FUT8: variants seen among roughly 807,000 people sequenced by gnomAD.
FUT8 encodes alpha-(1,6)-fucosyltransferase.
Under a neutral mutation model 71.3 loss-of-function variants are expected in FUT8, and 29 were observed. That is an observed-to-expected ratio of 0.41 (90% CI 0.30 to 0.55). The LOEUF is 0.55. Ranked by LOEUF, FUT8 falls within the 20% of genes least tolerant of loss-of-function variation. The probability of loss-of-function intolerance (pLI) is 0.34; values close to 1 mark genes in which losing one functional copy is unlikely to be tolerated. For synonymous variants in FUT8, 254 were observed against 239.3 expected (o/e 1.06, Z -0.57); for missense variants, 544 against 702.1 (o/e 0.77, Z 2.55).
chr14:65,431,458 C>T (rs1459011255), intron 1 of FUT8, among the ~76,000 whole-genome samples: 6 of 151,838 alleles, frequency 4.0e-5, no homozygotes, highest in Non-Finnish European at 1.5e-5. Context: ...TACAGGCATG[C>T]GTCACCATAC....
the FUT8 span, among the ~76,000 whole-genome samples, chr14:65,365,328 CCT>C: frequency 0.017 from 2,314 of 138,668 alleles, 24 homozygotes; most frequent in East Asian, 0.044. Flanking sequence ...ATAAATTCTT[CCT>C]CTCTCTCTCT....
chr14:65,711,196 AAATG>A lies in FUT8; in HGVS notation c.836-10571_836-10568del, dbSNP rs139273888. Among the ~76,000 whole-genome samples, 75 of 149,242 alleles carry A rather than the reference AAATG, an allele frequency of 5.0e-4. No individual in the cohort carries two copies. The East Asian group carries it at 0.012, about 25-fold the overall frequency. On this transcript the variant is annotated intron_variant, in intron 7 of 10. Coordinates refer to ENST00000673929, the MANE Select transcript of FUT8 (RefSeq NM_001371533.1). ...TAAATATTTAAACAAGTGAATGAAT[AAATG>A]AATGAATAAAGAATAAAAAACTGAG...
Position 65,412,854 on chromosome 14 carries a change from C to G in FUT8, c.-686C>G, listed in dbSNP as rs371719798. Among the ~76,000 whole-genome samples, 1,091 of 152,310 alleles carry G rather than the reference C, an allele frequency of 7.2e-3. 12 individuals carry two copies. The highest frequency in any genetic ancestry group is 0.024 in the African/African-American group (989 of 41,578). The stretch of plus-strand genomic sequence containing the variant: ...CAGCCGGTTCCCTCCTCTCCAGGCC[C>G]CCTCCCCATCCCACCCCCGCCGCCT... On this transcript the variant is annotated 5_prime_UTR_variant, in exon 1 of 11. Coordinates refer to ENST00000673929, the MANE Select transcript of FUT8 (RefSeq NM_001371533.1).
rs551841185 is a variant in FUT8 at position 65,653,796 on chromosome 14, C to T, written c.598-15447C>T. On this transcript the variant is annotated intron_variant, in intron 6 of 10. Transcript: ENST00000673929. ...CAAACAATCCTCCTGCCTTGGCCTC[C>T]GAAAGTGCTGGGATTATAGGCTTTG... Among the ~76,000 whole-genome samples the T allele has an allele frequency of 9.9e-5, 15 of 152,202 alleles. No homozygotes were observed. The South Asian group carries it at 1.0e-3, about 11-fold the overall frequency.
chr14:65,542,371 T>C (rs1884725733), intron 2 of FUT8, among the ~76,000 whole-genome samples: 1 of 152,174 alleles, frequency 6.6e-6, no homozygotes, highest in South Asian at 2.1e-4. Context: ...CATTATCAGA[T>C]CCCTCTGTGT....
At chr14:65,544,284 A>G (rs1010791696) in intron 2 of FUT8, among the ~76,000 whole-genome samples, 22 of 152,168 alleles carry the variant, frequency 1.4e-4, no homozygotes, top group Non-Finnish European at 2.8e-4. Context: ...CTGTGTACAA[A>G]TCACTTTTAT....
Position 65,742,213 on chromosome 14 carries a change from T to G in FUT8, c.1531T>G (p.Tyr511Asp), listed in dbSNP as rs1232279703. 1 of 1,613,120 alleles carries G rather than the reference T, an allele frequency of 6.2e-7. No individual in the cohort carries two copies. Among genetic ancestry groups the G allele is most frequent in the Non-Finnish European group, 8.5e-7 (1 of 1,179,456 alleles). Residue 511 changes from tyrosine (Y) to aspartate (D), a missense_variant, in exon 11 of 11, where the codon TAT (tyrosine) becomes GAT (aspartate). Tyr to Asp is a radical substitution (Grantham distance 160, BLOSUM62 -3). Transcript: ENST00000673929. ...GQNAHNQIAI[Y>D]AHQPRTADEI... ...GAATGCCCACAATCAAATTGCCATT[T>G]ATGCTCACCAACCCCGAACTGCAGA...
intron 2 of FUT8, among the ~76,000 whole-genome samples, chr14:65,523,660 C>G (rs1194218948): frequency 1.3e-5 from 2 of 152,210 alleles, no homozygotes; most frequent in Non-Finnish European, 1.5e-5. Flanking sequence ...TGCCTATATC[C>G]TAAATGGTAT....
intron 2 of FUT8, among the ~76,000 whole-genome samples, chr14:65,549,054 T>C (rs1280650521): frequency 6.6e-6 from 1 of 152,172 alleles, no homozygotes; most frequent in African/African-American, 2.4e-5. Flanking sequence ...GCTACCAGAA[T>C]TGCCTTTAAA....
Position 65,742,703 on chromosome 14 carries a change from A to C in FUT8, c.*293A>C, listed in dbSNP as rs973693693. 6.7e-6 allele frequency: 2 copies of C among 297,604 alleles called. No individual in the cohort carries two copies. The highest frequency in any genetic ancestry group is 1.3e-5 in the Non-Finnish European group (2 of 157,748). 18.4% of individuals were successfully genotyped at this position (297,604 alleles called of 1,614,324 possible). A position where few individuals can be genotyped will look rare whatever the true frequency, so the allele number is the denominator to read the frequency against. On this transcript the variant is annotated 3_prime_UTR_variant, in exon 11 of 11. Transcript: ENST00000673929. ...CCCTTTCAGTATGTCCCCATAAGAC[A>C]AACACTGCCATATTGTGTAATTTAA...
At chr14:65,512,404 G>A (rs1411901744) in intron 2 of FUT8, among the ~76,000 whole-genome samples, 1 of 152,128 alleles carries the variant, frequency 6.6e-6, no homozygotes, top group African/African-American at 2.4e-5. Flanking sequence ...AGCCTCAAGA[G>A]ATCCCCTGCC....
chr14:65,498,627 T>C (rs1369067913), intron 2 of FUT8, among the ~76,000 whole-genome samples: 1 of 152,216 alleles, frequency 6.6e-6, no homozygotes, highest in Non-Finnish European at 1.5e-5. Context: ...AGTACAACAA[T>C]GTTATTTATC....
At chr14:65,511,719 T>G (rs1204537094) in intron 2 of FUT8, among the ~76,000 whole-genome samples, 4 of 152,246 alleles carry the variant, frequency 2.6e-5, no homozygotes, top group African/African-American at 9.6e-5. Context: ...CTTCTCCTAC[T>G]CTGTTTTGGT....
chr14:65,485,311 A>G (rs2066392632), intron 2 of FUT8, among the ~76,000 whole-genome samples: 1 of 152,084 alleles, frequency 6.6e-6, no homozygotes, highest in Non-Finnish European at 1.5e-5. Context: ...TGTGAATTTT[A>G]CCTTTTTTGA....
chr14:65,650,020 GGT>G (rs1891288212), intron 6 of FUT8, among the ~76,000 whole-genome samples: 1 of 152,118 alleles, frequency 6.6e-6, no homozygotes. Context: ...TACCTGGCTG[GGT>G]GCGGTGGCTC....
chr14:65,566,067 G>T (rs1378545304), intron 3 of FUT8, among the ~76,000 whole-genome samples: 2 of 151,736 alleles, frequency 1.3e-5, no homozygotes, highest in Non-Finnish European at 2.9e-5. Context: ...TATAAATAGG[G>T]TCACTCATGT....
chr14:65,631,270 G>T (rs1261483384), intron 6 of FUT8, among the ~76,000 whole-genome samples: 2 of 152,022 alleles, frequency 1.3e-5, no homozygotes, highest in Non-Finnish European at 2.9e-5. Flanking sequence ...CCTCTTATTC[G>T]TTAAATTTTC....
intron 1 of FUT8, among the ~76,000 whole-genome samples, chr14:65,451,566 C>G (rs2065826892): frequency 6.6e-6 from 1 of 152,240 alleles, no homozygotes; most frequent in Non-Finnish European, 1.5e-5. Context: ...CTGTGAAAGC[C>G]TTTTGTATCC....
chr14:65,731,132 A>G (rs1399001437), intron 9 of FUT8, among the ~76,000 whole-genome samples: 1 of 152,242 alleles, frequency 6.6e-6, no homozygotes, highest in East Asian at 1.9e-4. Context: ...AGCACAGAGC[A>G]CTAGGAATAC....
Sources: allele counts gnomAD v4.1 joint callset (sites outside exome capture counted in the v4.1 genomes callset), GRCh38; gene constraint gnomAD v4.1.1; transcripts MANE v1.5; gene names NCBI Gene and HGNC (gene_info 2026-07-23, HGNC 2026-07-21).